Variants in RNF10 observed in about 807,000 individuals in gnomAD.
The protein encoded by RNF10 is ring finger protein 10.
Under a neutral mutation model 91.4 loss-of-function variants are expected in RNF10, and 38 were observed. The observed-to-expected ratio is 0.42, with a 90% CI of 0.32 to 0.54. The LOEUF is 0.54. Among genes scored for constraint, RNF10 ranks in the 20% least tolerant of loss-of-function variants. The pLI is 0.16. For synonymous variants in RNF10, 364 were observed against 366.3 expected (o/e 0.99, Z 0.07); for missense variants, 945 against 1,012.0 (o/e 0.93, Z 0.90).
In RNF10 at chr12:120,551,290, G is replaced by GTTTTTTTT. The variant is rs63002361; in HGVS notation, c.355-1194_355-1187dup. Among the ~76,000 whole-genome samples, 5 of 83,204 alleles carry GTTTTTTTT rather than the reference G, an allele frequency of 6.0e-5. 1 individual carries two copies. The highest frequency in any genetic ancestry group is 1.7e-4 in the Admixed American group (1 of 5,886). 54.6% of individuals were successfully genotyped at this position (83,204 alleles called of 152,430 possible). A position where few individuals can be genotyped will look rare whatever the true frequency, so the allele number is the denominator to read the frequency against. On this transcript the variant is annotated intron_variant, in intron 2 of 16. Transcript: ENST00000325954. Reference sequence around the variant, plus strand: ...TGTGAGCCACTGCGCCCATCCTAGTGTTTTTTTTTTTTTTTTTTTTTTGAA... The same window carrying GTTTTTTTT: ...TGTGAGCCACTGCGCCCATCCTAGTGTTTTTTTTTTTTTTTTTTTTTTTTTTTTTTGAA...
At chr12:120,554,547 C>G in intron 3 of RNF10, 171 bp from the exon 4 acceptor site, 1 of 581,924 alleles carries the variant, frequency 1.7e-6, no homozygotes, top group Non-Finnish European at 3.1e-6. Flanking sequence ...TCTTTGGGTT[C>G]TTTCCAGAGC....
chr12:120,565,929 T>C (rs1875623854), intron 12 of RNF10, among the ~76,000 whole-genome samples: 1 of 152,204 alleles, frequency 6.6e-6, no homozygotes, highest in African/African-American at 2.4e-5. Flanking sequence ...GAAATTTTGA[T>C]AGACTAGGAA....
At position 120,576,904 on chromosome 12, in the gene RNF10, GTT is replaced by G; in HGVS notation, c.*242_*243del. The stretch of plus-strand genomic sequence containing the variant: ...ACACAAGAGATCTCTTCCTGCCAAG[GTT>G]TTTAGTTCATTGCCAGTTTAGTCTT... On this transcript the variant is annotated 3_prime_UTR_variant, in exon 17 of 17. Transcript: ENST00000325954. The G allele has an allele frequency of 2.1e-6, 1 of 478,690 alleles. No individual in the cohort carries two copies. The highest frequency in any genetic ancestry group is 3.7e-6 in the Non-Finnish European group (1 of 271,510). The allele number at this position is 478,690 out of a possible 1,614,324, so 29.7% of individuals were successfully genotyped here.
intron 3 of RNF10, among the ~76,000 whole-genome samples, chr12:120,553,059 T>TAGATGTAG (rs1873381004): frequency 2.4e-4 from 1 of 4,222 alleles, no homozygotes; most frequent in Non-Finnish European, 8.0e-4. Context: ...TTTTTTTTTT[T>TAGATGTAG]TTTTTTTTTT....
At chr12:120,559,176 CTTTTTTTTTT>C (rs34120761) in intron 6 of RNF10, among the ~76,000 whole-genome samples, 2 of 95,808 alleles carry the variant, frequency 2.1e-5, no homozygotes, top group African/African-American at 5.5e-5. Flanking sequence ...TTGAACTACT[CTTTTTTTTTT>C]TTTTTTTTTT....
In RNF10 at chr12:120,576,870, AAAGT is replaced by A; in HGVS notation, c.*206_*209del. 1.7e-6 allele frequency: 1 copy of A among 586,066 alleles called. No homozygotes were observed. Among genetic ancestry groups the A allele is most frequent in the South Asian group, 2.1e-5 (1 of 48,682 alleles). 36.3% of individuals were successfully genotyped at this position (586,066 alleles called of 1,614,324 possible). A position where few individuals can be genotyped will look rare whatever the true frequency, so the allele number is the denominator to read the frequency against. On this transcript the variant is annotated 3_prime_UTR_variant, in exon 17 of 17. Coordinates refer to ENST00000325954, the MANE Select transcript of RNF10 (RefSeq NM_014868.5). ...CAGCTTCCTGTCTTTACACCAAAAT[AAAGT>A]ATTGACACAAGAGATCTCTTCCTGC...
chr12:120,565,294 A>G lies in RNF10; in HGVS notation c.1783+105A>G, dbSNP rs1031803622. 3.6e-6 allele frequency: 4 copies of G among 1,125,712 alleles called. No individual in the cohort carries two copies. The African/African-American group carries it at 4.6e-5, about 13-fold the overall frequency. 69.7% of individuals were successfully genotyped at this position (1,125,712 alleles called of 1,614,324 possible). On this transcript the variant is annotated intron_variant, in intron 11 of 16. Transcript: ENST00000325954. Reference sequence around the variant, plus strand: ...CTTATGGAACTGTATCATGAGTCTTAGTACCTCCTAAACACTTCATCTGTT... The same window carrying G: ...CTTATGGAACTGTATCATGAGTCTTGGTACCTCCTAAACACTTCATCTGTT...
intron 13 of RNF10, among the ~76,000 whole-genome samples, chr12:120,568,498 T>C (rs516479): frequency 0.26 from 39,308 of 149,178 alleles, 5,967 homozygotes; most frequent in East Asian, 0.5. Flanking sequence ...TTTTTTGAGA[T>C]GGAGTCTAGC....
At chr12:120,568,029 G>A (rs1015706275) in intron 13 of RNF10, among the ~76,000 whole-genome samples, 1 of 152,088 alleles carries the variant, frequency 6.6e-6, no homozygotes, top group East Asian at 1.9e-4. Flanking sequence ...AGGCCAAGGT[G>A]GGCAGATTCC....
At position 120,563,172 on chromosome 12, in the gene RNF10, A is replaced by G. The variant is rs1875156566; in HGVS notation, c.1254+102A>G. ...CTAAACCTTCTCAAGAGAAGAGGGGACAATGAGTATTTTCTGTATGCTTGT... is the reference window on the plus strand; with the variant it reads ...CTAAACCTTCTCAAGAGAAGAGGGGGCAATGAGTATTTTCTGTATGCTTGT... On this transcript the variant is annotated intron_variant, in intron 8 of 16. Coordinates refer to ENST00000325954, the MANE Select transcript of RNF10 (RefSeq NM_014868.5). 1.9e-6 allele frequency: 3 copies of G among 1,545,590 alleles called. No homozygotes were observed. In the East Asian group the frequency reaches 6.8e-5, roughly 35 times the overall value.
chr12:120,565,836 C>G (rs1875605226), intron 12 of RNF10, among the ~76,000 whole-genome samples: 1 of 152,228 alleles, frequency 6.6e-6, no homozygotes, highest in African/African-American at 2.4e-5. Flanking sequence ...CCCATGCTCT[C>G]TGGATCACTG....
intron 14 of RNF10, among the ~76,000 whole-genome samples, chr12:120,572,657 G>A (rs1000914592): frequency 3.4e-4 from 51 of 151,888 alleles, no homozygotes; most frequent in African/African-American, 1.1e-3. Context: ...GTGCAATGGC[G>A]TGATCTCGGC....
chr12:120,538,937 G>A (rs1871197408), intron 1 of RNF10, among the ~76,000 whole-genome samples: 1 of 152,170 alleles, frequency 6.6e-6, no homozygotes, highest in Non-Finnish European at 1.5e-5. Context: ...GAAAATTGAG[G>A]TGATTTGAAG....
intron 2 of RNF10, among the ~76,000 whole-genome samples, chr12:120,550,019 A>G (rs1872816131): frequency 6.6e-6 from 1 of 152,170 alleles, no homozygotes; most frequent in Admixed American, 6.6e-5. Context: ...GGTCTAGACT[A>G]TAGAACACTC....
rs1469700243 is a variant in RNF10, at chr12:120,563,013, G to A, written c.1197G>A (p.Leu399=). The A allele has an allele frequency of 1.9e-6, 3 of 1,613,982 alleles. No homozygotes were observed. The highest frequency in any genetic ancestry group is 2.5e-6 in the Non-Finnish European group (3 of 1,180,008). ...RREVTGVVAA[L]EQLVLMAPLA... ...AGGTCACTGGTGTTGTGGCTGCTCT[G>A]GAACAACTGGTGCTGATGGCTCCCT... The change falls in exon 8 of 17, where the codon CTG becomes CTA. Residue 399 remains leucine, a synonymous_variant. Coordinates refer to ENST00000325954, the MANE Select transcript of RNF10 (RefSeq NM_014868.5).
chr12:120,536,165 T>C (rs917141405), intron 1 of RNF10, among the ~76,000 whole-genome samples: 1 of 152,054 alleles, frequency 6.6e-6, no homozygotes, highest in African/African-American at 2.4e-5. Context: ...CTCATGCCTG[T>C]AATCCGAACA....
intron 13 of RNF10, among the ~76,000 whole-genome samples, chr12:120,569,774 G>T (rs1461638957): frequency 6.6e-6 from 1 of 152,104 alleles, no homozygotes; most frequent in African/African-American, 2.4e-5. Flanking sequence ...ATGGCTTCAA[G>T]TGATCCGCCT....
In RNF10 at chr12:120,572,129, C is replaced by T. The variant is rs1340930846; in HGVS notation, c.2142+838C>T. On this transcript the variant is annotated intron_variant, in intron 14 of 16. Transcript: ENST00000325954. ...TCCCCCAGGCTGGAGTTCCGTGGCG[C>T]GATCTTGGCTTGCTGTAAGCTCCGC... Among the ~76,000 whole-genome samples, 6 of 151,188 alleles carry T rather than the reference C, an allele frequency of 4.0e-5. No homozygotes were observed. In the East Asian group the frequency reaches 5.9e-4, roughly 15 times the overall value.
intron 4 of RNF10, among the ~76,000 whole-genome samples, chr12:120,556,106 G>A (rs937061889): frequency 6.6e-6 from 1 of 151,874 alleles, no homozygotes; most frequent in Non-Finnish European, 1.5e-5. Context: ...CACTTTCAAA[G>A]CCACTGATGT....
Sources: allele counts gnomAD v4.1 joint callset (sites outside exome capture counted in the v4.1 genomes callset), GRCh38; gene constraint gnomAD v4.1.1; transcripts MANE v1.5; gene names NCBI Gene and HGNC (gene_info 2026-07-23, HGNC 2026-07-21).